CTNND2: variants seen among roughly 807,000 people sequenced by gnomAD.
CTNND2 encodes the protein catenin delta-2.
CTNND2 carries 22 observed loss-of-function variants against 144.4 expected under a neutral mutation model. The observed-to-expected ratio is 0.15, with a 90% confidence interval of 0.11 to 0.22. CTNND2 has a LOEUF of 0.22. Among genes scored for constraint, CTNND2 ranks in the 10% least tolerant of loss-of-function variants. CTNND2 has a pLI of 1.00. For synonymous variants in CTNND2, 751 were observed against 695.6 expected (o/e 1.08, Z -1.25); for missense variants, 1,353 against 1,618.8 (o/e 0.84, Z 2.82).
At chr5:11,355,705 CA>C (rs1469088137) in intron 8 of CTNND2, among the ~76,000 whole-genome samples, 1 of 152,010 alleles carries the variant, frequency 6.6e-6, no homozygotes, top group African/African-American at 2.4e-5. Context: ...GAAACAAAAA[CA>C]AAAGGCATTG....
intron 3 of CTNND2, among the ~76,000 whole-genome samples, chr5:11,551,727 T>C (rs1775784334): frequency 6.6e-6 from 1 of 152,144 alleles, no homozygotes; most frequent in Non-Finnish European, 1.5e-5. Context: ...GCCTCCCCAG[T>C]AGCTGGGATT....
intron 11 of CTNND2, among the ~76,000 whole-genome samples, chr5:11,170,421 C>G (rs1759782140): frequency 6.6e-6 from 1 of 152,166 alleles, no homozygotes; most frequent in Admixed American, 6.5e-5. Context: ...ATGTATGTAT[C>G]TTCATACAAC....
intron 9 of CTNND2, among the ~76,000 whole-genome samples, chr5:11,240,347 ACACACACACATTC>A (rs1373546284): frequency 1.3e-4 from 13 of 97,206 alleles, no homozygotes; most frequent in African/African-American, 3.7e-4. Context: ...CATACACCCA[ACACACACACATTC>A]ACACACACCC....
intron 1 of CTNND2, among the ~76,000 whole-genome samples, chr5:11,786,158 G>A (rs1790820970): frequency 1.3e-5 from 2 of 152,186 alleles, no homozygotes. Context: ...ACAACCACAG[G>A]AGCCACTCAG....
At chr5:11,498,893 A>C (rs1185292367) in intron 3 of CTNND2, among the ~76,000 whole-genome samples, 3 of 152,210 alleles carry the variant, frequency 2.0e-5, no homozygotes, top group Non-Finnish European at 4.4e-5. Context: ...TAAGTGGCTC[A>C]AGCAGTCTAA....
chr5:11,092,223 G>A (rs1750848362), intron 15 of CTNND2, among the ~76,000 whole-genome samples: 1 of 152,044 alleles, frequency 6.6e-6, no homozygotes, highest in Non-Finnish European at 1.5e-5. Context: ...TTTCTTTGTT[G>A]CTGTTGTTTT....
At chr5:11,623,841 T>C (rs1199493756) in intron 2 of CTNND2, among the ~76,000 whole-genome samples, 17 of 124,124 alleles carry the variant, frequency 1.4e-4, no homozygotes, top group Non-Finnish European at 1.5e-4. Flanking sequence ...TATATATATA[T>C]ATATATATAT....
intron 2 of CTNND2, among the ~76,000 whole-genome samples, chr5:11,728,441 G>A (rs369019169): frequency 5.9e-5 from 9 of 152,208 alleles, no homozygotes; most frequent in South Asian, 2.1e-4. Flanking sequence ...TCGCACCACC[G>A]CACTCTAGCC....
chr5:11,068,954 A>G (rs1357342903), intron 16 of CTNND2, among the ~76,000 whole-genome samples: 1 of 152,218 alleles, frequency 6.6e-6, no homozygotes, highest in Non-Finnish European at 1.5e-5. Context: ...AGAATCTGCT[A>G]GACGACAGAA....
rs550298170 is a variant in CTNND2, at chr5:11,701,080, A to T, written c.174+31056T>A. On this transcript the variant is annotated intron_variant, in intron 2 of 21. Coordinates refer to ENST00000304623, the MANE Select transcript of CTNND2 (RefSeq NM_001332.4). ...TACCTGAGACCCATTCTGTACATAA[A>T]TGTCTTTTATGACGTCTAAAGAAAT... is the stretch of plus-strand genomic sequence containing the variant. Among the ~76,000 whole-genome samples the T allele has an allele frequency of 2.0e-5, 3 of 152,342 alleles. No individual in the cohort carries two copies. In the South Asian group the frequency reaches 6.2e-4, roughly 32 times the overall value.
intron 3 of CTNND2, among the ~76,000 whole-genome samples, chr5:11,433,731 C>T (rs1015007987): frequency 1.3e-5 from 2 of 152,188 alleles, no homozygotes; most frequent in Non-Finnish European, 2.9e-5. Context: ...AGCACCAAGC[C>T]ATGAGGGATC....
chr5:11,168,036 T>TA (rs1759525668), intron 11 of CTNND2, among the ~76,000 whole-genome samples: 1 of 152,154 alleles, frequency 6.6e-6, no homozygotes, highest in Non-Finnish European at 1.5e-5. Flanking sequence ...GTTTAAAAAA[T>TA]AACCTTCACT....
intron 3 of CTNND2, among the ~76,000 whole-genome samples, chr5:11,446,711 T>A (rs1204214129): frequency 1.3e-5 from 2 of 151,980 alleles, no homozygotes; most frequent in African/African-American, 4.8e-5. Flanking sequence ...TTTCTGGAGA[T>A]CAAGAGAGTG....
intron 7 of CTNND2, among the ~76,000 whole-genome samples, chr5:11,368,286 T>A (rs1476827970): frequency 6.6e-6 from 1 of 152,144 alleles, no homozygotes; most frequent in African/African-American, 2.4e-5. Flanking sequence ...AACTACCACA[T>A]ATCCTGTCAT....
At chr5:11,083,838 C>T (rs753280633) in intron 15 of CTNND2, 147 of 1,070,072 alleles carry the variant, frequency 1.4e-4, no homozygotes, top group Non-Finnish European at 1.6e-4. Flanking sequence ...CACCTCCACC[C>T]CCCTTCCCCC....
chr5:11,244,210 T>C (rs1311421), intron 9 of CTNND2, among the ~76,000 whole-genome samples: 17,414 of 151,240 alleles, frequency 0.12, 1,312 homozygotes, highest in East Asian at 0.28. Context: ...AATTAACATA[T>C]AAAAGTATTA....
chr5:11,241,651 C>G (rs192548129), intron 9 of CTNND2, among the ~76,000 whole-genome samples: 2 of 152,304 alleles, frequency 1.3e-5, no homozygotes, highest in East Asian at 3.9e-4. Flanking sequence ...GATTTATCTC[C>G]AAGGCTCTTT....
At chr5:11,398,358 C>G (rs1366643463) in intron 5 of CTNND2, among the ~76,000 whole-genome samples, 1 of 152,046 alleles carries the variant, frequency 6.6e-6, no homozygotes, top group Non-Finnish European at 1.5e-5. Context: ...ATGTGGATCA[C>G]CTTTCATAAA....
At chr5:11,881,257 G>T (rs1054178883) in intron 1 of CTNND2, among the ~76,000 whole-genome samples, 1 of 151,822 alleles carries the variant, frequency 6.6e-6, no homozygotes, top group Non-Finnish European at 1.5e-5. Flanking sequence ...AGAGTAACTG[G>T]CATGTCCATC....
Sources: allele counts gnomAD v4.1 joint callset (sites outside exome capture counted in the v4.1 genomes callset), GRCh38; gene constraint gnomAD v4.1.1; transcripts MANE v1.5; gene names NCBI Gene and HGNC (gene_info 2026-07-23, HGNC 2026-07-21).